The following MARF1 variants were observed in gnomAD, a reference collection of about 807,000 sequenced individuals.
The protein encoded by MARF1 is meiosis regulator and mRNA stability factor 1.
MARF1 carries 24 observed loss-of-function variants against 168.2 expected under a neutral mutation model. The ratio of observed to expected loss-of-function variants is 0.14; its 90% CI spans 0.10 to 0.20. The LOEUF (loss-of-function observed/expected upper bound fraction) is 0.20, where lower values mean the gene tolerates loss of function less well. Ranked by LOEUF, MARF1 falls within the 10% of genes least tolerant of loss-of-function variation. The pLI, the probability that MARF1 is intolerant of heterozygous loss-of-function variation, is 1.00. For missense variants in MARF1, 1,744 were observed against 2,143.6 expected (o/e 0.81, Z 3.68); for synonymous variants, 868 against 822.4 (o/e 1.06, Z -0.95).
chr16:15,636,996 CA>C (rs2035642395), intron 2 of MARF1, among the ~76,000 whole-genome samples: 1 of 152,122 alleles, frequency 6.6e-6, no homozygotes, highest in Non-Finnish European at 1.5e-5. Flanking sequence ...AGATCCAAGA[CA>C]AATAGTTTGC....
intron 22 of MARF1, chr16:15,602,870 T>C (rs1596440305): frequency 3.4e-6 from 1 of 294,254 alleles, no homozygotes; most frequent in East Asian, 9.0e-5. Flanking sequence ...AGAAACACTG[T>C]GATAAGAGGA....
Position 15,609,735 on chromosome 16 carries a change from A to G in MARF1, c.3752-10T>C, listed in dbSNP as rs775252549. 3.7e-6 allele frequency: 6 copies of G among 1,610,364 alleles called. No homozygotes were observed. The South Asian group carries it at 4.4e-5, about 12-fold the overall frequency. The stretch of plus-strand genomic sequence containing the variant: ...TCATCCTGAGTGCGTTCTTTTAAAA[A>G]AACCAAAAAACATAAAATCACAGTT... On this transcript the variant is annotated splice_polypyrimidine_tract_variant and intron_variant, in intron 19 of 26. Transcript: ENST00000396368.
rs2036156842 is a variant in MARF1, at chr16:15,643,070, CG to C, written c.-112del. The C allele has an allele frequency of 3.5e-6, 1 of 284,980 alleles. No individual in the cohort carries two copies. The highest frequency in any genetic ancestry group is 2.7e-5 in the South Asian group (1 of 37,010). The allele number at this position is 284,980 out of a possible 1,614,324, so 17.7% of individuals were successfully genotyped here. On this transcript the variant is annotated 5_prime_UTR_variant, in exon 1 of 27. Coordinates refer to ENST00000396368, the MANE Select transcript of MARF1 (RefSeq NM_014647.4). ...CATTCCGGCCCCGCCGCCTTCCCCCCGCCCCCCCCAGGCCCTTTGTTTTGAT... is the reference window on the plus strand; with the variant it reads ...CATTCCGGCCCCGCCGCCTTCCCCCCCCCCCCCCAGGCCCTTTGTTTTGAT...
At position 15,612,529 on chromosome 16, in the gene MARF1, A is replaced by G. The variant is rs1036529004; in HGVS notation, c.3474+28T>C. 1.9e-6 allele frequency: 3 copies of G among 1,582,708 alleles called. No individual in the cohort carries two copies. In the Admixed American group the frequency reaches 5.0e-5, roughly 26 times the overall value. ...GCCATGGAGGAACATTCCTGCCTGT[A>G]AACAAGTAATCCCGTGACACGCCTT... On this transcript the variant is annotated intron_variant, in intron 17 of 26. Coordinates refer to ENST00000396368, the MANE Select transcript of MARF1 (RefSeq NM_014647.4).
At chr16:15,620,841 GAT>G (rs1336229008) in intron 12 of MARF1, among the ~76,000 whole-genome samples, 8 of 152,146 alleles carry the variant, frequency 5.3e-5, no homozygotes, top group Non-Finnish European at 4.4e-5. Flanking sequence ...CAGTTTGTTA[GAT>G]ATATGTGATT....
chr16:15,598,939 C>T lies in MARF1; in HGVS notation c.4899G>A (p.Leu1633=). 1.6e-5 allele frequency: 26 copies of T among 1,613,686 alleles called. No homozygotes were observed. The highest frequency in any genetic ancestry group is 2.1e-5 in the Non-Finnish European group (25 of 1,179,904). Residue 1633 remains leucine (L), a synonymous_variant, in exon 26 of 27, where the codon CTG becomes CTA. Transcript: ENST00000396368. The part of the protein sequence containing the change: ...DLLCAPVPSC[L]PSPQLRPDPV... ...GGTCTGGTCTCAGCTGAGGGGACGG[C>T]AGGCACGAGGGGACAGGCGCACACA...
chr16:15,638,957 G>A (rs753244349), intron 2 of MARF1, 133 bp downstream of exon 2: 10 of 766,464 alleles, frequency 1.3e-5, no homozygotes, highest in Non-Finnish European at 2.0e-5. Context: ...TGGTATAAGA[G>A]GCAATACAGG....
In MARF1 at chr16:15,621,756, G is replaced by A. The variant is rs750287382; in HGVS notation, c.2616C>T (p.Ala872=). The change falls in exon 12 of 27, where the codon GCC becomes GCT. Residue 872 remains alanine (A), a synonymous_variant. Coordinates refer to ENST00000396368, the MANE Select transcript of MARF1 (RefSeq NM_014647.4). ...KILVSLATGA[A]SKSLSLLSAE... is the part of the protein sequence containing the mutation. Reference sequence around the variant, plus strand: ...ACCTCAGTAAAGAGAGTGATTTGCTGGCAGCCCCGGTGGCAAGTGAGACCA... The same window carrying A: ...ACCTCAGTAAAGAGAGTGATTTGCTAGCAGCCCCGGTGGCAAGTGAGACCA... The A allele has an allele frequency of 5.6e-6, 9 of 1,614,092 alleles. No homozygotes were observed. The South Asian group carries it at 8.8e-5, about 16-fold the overall frequency.
At chr16:15,597,024 G>T in intron 26 of MARF1, 87 bp from the exon 27 acceptor site, 1 of 1,400,866 alleles carries the variant, frequency 7.1e-7, no homozygotes, top group Non-Finnish European at 9.5e-7. Flanking sequence ...TTTCTCAAAA[G>T]ATAATAATAG....
intron 25 of MARF1, 61 bp downstream of exon 25, chr16:15,600,367 C>T: frequency 6.2e-7 from 1 of 1,608,102 alleles, no homozygotes. Context: ...CTCTCCCCGA[C>T]CCCAAAGCCG....
At chr16:15,630,976 C>CA (rs2035212170) in intron 6 of MARF1, among the ~76,000 whole-genome samples, 2 of 151,924 alleles carry the variant, frequency 1.3e-5, no homozygotes, top group South Asian at 4.2e-4. Context: ...ACTAAAAATA[C>CA]AAAATTAGCT....
At chr16:15,603,832 C>T (rs1264346672) in intron 22 of MARF1, among the ~76,000 whole-genome samples, 3 of 152,176 alleles carry the variant, frequency 2.0e-5, no homozygotes, top group Non-Finnish European at 4.4e-5. Context: ...CAAGCCACCA[C>T]ATAAACCATC....
chr16:15,640,961 G>C (rs953031279), intron 1 of MARF1, among the ~76,000 whole-genome samples: 2 of 152,168 alleles, frequency 1.3e-5, no homozygotes, highest in Non-Finnish European at 2.9e-5. Context: ...GCATAGTGTG[G>C]CAGCATGCGC....
intron 21 of MARF1, 22 bp downstream of exon 21, chr16:15,608,260 GAAAAAAAAA>G: frequency 1.8e-5 from 15 of 829,538 alleles, no homozygotes; most frequent in South Asian, 3.4e-5. Context: ...TCCCATGAGG[GAAAAAAAAA>G]AAAAAAAAAA....
chr16:15,630,535 C>G (rs201131663), intron 6 of MARF1, 31 bp from the exon 7 acceptor site: 800 of 1,577,488 alleles, frequency 5.1e-4, no homozygotes, highest in Non-Finnish European at 6.5e-4. Context: ...CAACCCCATC[C>G]CCAAACATTA....
intron 20 of MARF1, 50 bp from the exon 21 acceptor site, chr16:15,608,568 GT>G: frequency 1.4e-6 from 2 of 1,389,586 alleles, no homozygotes; most frequent in Non-Finnish European, 2.0e-6. Flanking sequence ...AATCACGGGT[GT>G]TTACAGAATA....
chr16:15,596,550 A>C lies in MARF1; in HGVS notation c.*143T>G, dbSNP rs1387408668. ...CAAAGCTGTGTTCAATGGAAAAGAA[A>C]AACATGATAGAACACAGGTAAGATG... On this transcript the variant is annotated 3_prime_UTR_variant, in exon 27 of 27. Coordinates refer to ENST00000396368, the MANE Select transcript of MARF1 (RefSeq NM_014647.4). 2.7e-6 allele frequency: 2 copies of C among 735,086 alleles called. No homozygotes were observed. Among genetic ancestry groups the C allele is most frequent in the African/African-American group, 3.6e-5 (2 of 55,330 alleles). The allele number at this position is 735,086 out of a possible 1,614,324, so 45.5% of individuals were successfully genotyped here.
At chr16:15,623,871 C>T (rs961279346) in intron 10 of MARF1, among the ~76,000 whole-genome samples, 8 of 148,048 alleles carry the variant, frequency 5.4e-5, no homozygotes, top group Non-Finnish European at 1.2e-4. Context: ...TTTTATGTGG[C>T]TTTTTAGATG....
chr16:15,630,170 T>G, intron 7 of MARF1, 162 bp downstream of exon 7: 1 of 501,170 alleles, frequency 2.0e-6, no homozygotes, highest in Non-Finnish European at 3.5e-6. Context: ...ATCTGTATAT[T>G]TGTGAGAAGA....
Sources: gnomAD v4.1 joint callset for allele counts (sites outside exome capture counted in the v4.1 genomes callset) on GRCh38, gnomAD v4.1.1 for gene constraint, MANE v1.5 for transcripts, NCBI Gene and HGNC (gene_info 2026-07-23, HGNC 2026-07-21) for gene names.